The following ZNF536 variants were observed in gnomAD, a reference collection of about 807,000 sequenced individuals.
ZNF536 encodes zinc finger protein 536.
ZNF536 carries 13 observed loss-of-function variants against 84.5 expected under a neutral mutation model. The observed-to-expected ratio is 0.15, with a 90% CI of 0.10 to 0.24. The LOEUF is 0.24. Among genes scored for constraint, ZNF536 ranks in the 10% least tolerant of loss-of-function variants. The probability of loss-of-function intolerance (pLI) is 1.00; values close to 1 mark genes in which losing one functional copy is unlikely to be tolerated. For synonymous variants in ZNF536, 811 were observed against 742.5 expected (o/e 1.09, Z -1.50); for missense variants, 1,536 against 1,747.5 (o/e 0.88, Z 2.16).
intron 1 of ZNF536, among the ~76,000 whole-genome samples, chr19:30,399,885 A>G (rs112379132): frequency 1.1e-4 from 16 of 152,054 alleles, no homozygotes; most frequent in African/African-American, 3.9e-4. Context: ...ACGGGATTTC[A>G]CCATGTTGGT....
chr19:30,466,279 C>T (rs1011736217), intron 2 of ZNF536, among the ~76,000 whole-genome samples: 2 of 151,604 alleles, frequency 1.3e-5, no homozygotes, highest in Admixed American at 6.6e-5. Context: ...CCATGGCTCA[C>T]GTCTGTAATC....
At chr19:30,579,524 C>T (rs1471481664) in intron 1 of ZNF536, among the ~76,000 whole-genome samples, 21 of 152,174 alleles carry the variant, frequency 1.4e-4, no homozygotes, top group Admixed American at 1.3e-3. Flanking sequence ...GGAGGCTCTT[C>T]CAAGAGAGCA....
intron 1 of ZNF536, among the ~76,000 whole-genome samples, chr19:30,601,719 C>A (rs1188565900): frequency 6.6e-6 from 1 of 152,128 alleles, no homozygotes; most frequent in African/African-American, 2.4e-5. Context: ...GGGGAACCAG[C>A]CGAGAAGCCT....
intron 2 of ZNF536, among the ~76,000 whole-genome samples, chr19:30,493,712 GA>G (rs11356720): frequency 0.04 from 6,018 of 152,118 alleles, 206 homozygotes; most frequent in East Asian, 0.18. Flanking sequence ...GTGCTTTGGG[GA>G]AAAAAATCGT....
intron 1 of ZNF536, among the ~76,000 whole-genome samples, chr19:30,706,561 T>C (rs1317025783): frequency 1.3e-5 from 2 of 151,838 alleles, no homozygotes; most frequent in Non-Finnish European, 2.9e-5. Flanking sequence ...ATGGAAGAAC[T>C]AGTGTCATCC....
At chr19:30,679,134 C>A (rs1004656521) in intron 1 of ZNF536, among the ~76,000 whole-genome samples, 1 of 152,116 alleles carries the variant, frequency 6.6e-6, no homozygotes, top group Non-Finnish European at 1.5e-5. Flanking sequence ...TCCTTAAATT[C>A]TGAGGCCACA....
At position 30,519,435 on chromosome 19, in the gene ZNF536, G is replaced by A. The variant is rs560503552; in HGVS notation, c.2171-15412G>A. On this transcript the variant is annotated intron_variant, in intron 2 of 4. Transcript: ENST00000355537. ...ACGGGGTTGTGCTCTGGCAGTGGGA[G>A]CCCTGCACTCTCTCAAGGAGAGCCT... 2.4e-4 allele frequency among the ~76,000 whole-genome samples: 37 copies of A among 152,336 alleles called. No homozygotes were observed. In the South Asian group the frequency reaches 4.3e-3, roughly 18 times the overall value.
chr19:30,414,324 T>C (rs1462543362), intron 1 of ZNF536, among the ~76,000 whole-genome samples: 1 of 152,170 alleles, frequency 6.6e-6, no homozygotes, highest in African/African-American at 2.4e-5. Flanking sequence ...ATATTTGAAA[T>C]TCTTTCTTTT....
At chr19:30,679,861 C>T (rs2072501287) in intron 1 of ZNF536, among the ~76,000 whole-genome samples, 1 of 152,206 alleles carries the variant, frequency 6.6e-6, no homozygotes, top group African/African-American at 2.4e-5. Flanking sequence ...GGGGGGTCAG[C>T]TCTGGGCATC....
At chr19:30,610,554 A>G (rs901819639) in intron 1 of ZNF536, among the ~76,000 whole-genome samples, 1 of 152,238 alleles carries the variant, frequency 6.6e-6, no homozygotes, top group African/African-American at 2.4e-5. Flanking sequence ...TTCTGTTTGA[A>G]TCAGAAACAG....
chr19:30,611,393 C>T (rs1414828556), intron 1 of ZNF536, among the ~76,000 whole-genome samples: 1 of 152,148 alleles, frequency 6.6e-6, no homozygotes, highest in Non-Finnish European at 1.5e-5. Context: ...CCTTGGACCC[C>T]TCTTATACTC....
intron 2 of ZNF536, among the ~76,000 whole-genome samples, chr19:30,315,286 A>T (rs78864404): frequency 0.015 from 2,221 of 152,302 alleles, 46 homozygotes; most frequent in African/African-American, 0.051. Flanking sequence ...GATGGGTCAT[A>T]ACAGTTTATA....
chr19:30,417,659 T>G (rs1380560475), intron 1 of ZNF536, among the ~76,000 whole-genome samples: 1 of 152,248 alleles, frequency 6.6e-6, no homozygotes, highest in African/African-American at 2.4e-5. Flanking sequence ...CATAACAATA[T>G]TTAAGAATTG....
At chr19:30,378,036 C>A (rs886416679) in intron 1 of ZNF536, among the ~76,000 whole-genome samples, 1 of 152,154 alleles carries the variant, frequency 6.6e-6, no homozygotes, top group Non-Finnish European at 1.5e-5. Context: ...AGTGATTTGG[C>A]CTTGCTGATG....
intron 1 of ZNF536, among the ~76,000 whole-genome samples, chr19:30,646,256 A>G (rs180785777): frequency 5.9e-5 from 9 of 152,072 alleles, no homozygotes; most frequent in Non-Finnish European, 1.2e-4. Flanking sequence ...TGCCTCCCCA[A>G]CTGTCCTGGT....
upstream of ZNF536, among the ~76,000 whole-genome samples, chr19:30,226,268 T>G (rs563318005): frequency 1.4e-3 from 211 of 152,240 alleles, no homozygotes; most frequent in African/African-American, 4.5e-3. The surrounding 1 kb of genome is among the most constrained non-coding windows in gnomAD (Gnocchi z 4.6). Context: ...CCGCGGAAAC[T>G]TCTGCTCAAG....
At chr19:30,245,003 C>T (rs566104351) in intron 1 of ZNF536, among the ~76,000 whole-genome samples, 1 of 152,304 alleles carries the variant, frequency 6.6e-6, no homozygotes, top group Non-Finnish European at 1.5e-5. Context: ...GAGCCATCAC[C>T]ATCTAACTCA....
Position 30,617,366 on chromosome 19 carries a change from T to TTTTTTTA in ZNF536, c.169+67852_169+67853insTTTTTTA, listed in dbSNP as rs869281886. ...TTTTTTTTTTTTTTTTTTTTTTTTT[T>TTTTTTTA]ATGAGATGGAGTCTGACTCTGTCAC... On this transcript the variant is annotated intron_variant, in intron 1 of 1. Transcript: ENST00000592773. Among the ~76,000 whole-genome samples the TTTTTTTA allele has an allele frequency of 4.7e-4, 55 of 115,972 alleles. 1 individual carries two copies. Among genetic ancestry groups the TTTTTTTA allele is most frequent in the Non-Finnish European group, 8.3e-4 (46 of 55,738 alleles). 76.1% of individuals were successfully genotyped at this position (115,972 alleles called of 152,430 possible).
rs141138494 is a variant in ZNF536, at chr19:30,407,944, G to A, written c.-3+35388G>A. Among the ~76,000 whole-genome samples the A allele has an allele frequency of 1.5e-3, 224 of 152,222 alleles. 2 individuals are homozygous for A. The highest frequency in any genetic ancestry group is 5.0e-3 in the African/African-American group (209 of 41,558). On this transcript the variant is annotated intron_variant, in intron 1 of 4. Coordinates refer to ENST00000355537, the MANE Select transcript of ZNF536 (RefSeq NM_014717.3). Reference sequence around the variant, plus strand: ...TCTTTGGCTCACAGAGGATGACTGGGGTTTCCTTTGTTGAGAGGAAAGTGG... The same window carrying A: ...TCTTTGGCTCACAGAGGATGACTGGAGTTTCCTTTGTTGAGAGGAAAGTGG...
Sources: gnomAD v4.1 joint callset for allele counts (sites outside exome capture counted in the v4.1 genomes callset) on GRCh38, gnomAD v4.1.1 for gene constraint, Gnocchi (gnomAD v3.1) non-coding constraint, MANE v1.5 for transcripts, NCBI Gene and HGNC (gene_info 2026-07-23, HGNC 2026-07-21) for gene names.